The following KIAA0319L variants were observed in gnomAD, a reference collection of about 807,000 sequenced individuals.
KIAA0319L encodes the protein KIAA0319 like.
A neutral mutation model predicts 120.1 loss-of-function variants in KIAA0319L; 55 were observed. The observed-to-expected ratio is 0.46, with a 90% CI of 0.37 to 0.57. KIAA0319L has a LOEUF of 0.57. KIAA0319L is among the 20% of genes least tolerant of loss of function. The probability of loss-of-function intolerance (pLI) is 0.00; values close to 1 mark genes in which losing one functional copy is unlikely to be tolerated. For synonymous variants in KIAA0319L, 398 were observed against 471.9 expected (o/e 0.84, Z 2.03); for missense variants, 1,049 against 1,255.3 (o/e 0.84, Z 2.48).
chr1:35,449,523 T>C (rs1243498619), intron 15 of KIAA0319L, among the ~76,000 whole-genome samples: 2 of 152,218 alleles, frequency 1.3e-5, no homozygotes, highest in Non-Finnish European at 2.9e-5. Flanking sequence ...CCAAGCACTC[T>C]GAGCCCTCTC....
Position 35,435,055 on chromosome 1 carries a change from T to G in KIAA0319L, c.2989A>C (p.Ser997Arg). The G allele has an allele frequency of 1.2e-6, 2 of 1,614,090 alleles. No individual in the cohort carries two copies. Among genetic ancestry groups the G allele is most frequent in the Non-Finnish European group, 1.7e-6 (2 of 1,179,994 alleles). Residue 997 changes from serine (S) to arginine (R), a missense_variant, in exon 21 of 21, where the codon AGT becomes CGT. By Grantham distance (110) the Ser-to-Arg change is moderately radical (BLOSUM62 -1). Coordinates refer to ENST00000325722, the MANE Select transcript of KIAA0319L (RefSeq NM_024874.5). ...GACTCGGAGTGCATCAGGCTGCTACTTAGCAAAAGGCCTTTCTGTTTGATG... is the reference window on the plus strand; with the variant it reads ...GACTCGGAGTGCATCAGGCTGCTACGTAGCAAAAGGCCTTTCTGTTTGATG... Reference protein sequence around the residue: ...AGIKQKGLLLSSSLMHSESEL... With the variant: ...AGIKQKGLLLRSSLMHSESEL...
In KIAA0319L at chr1:35,455,577, T is replaced by A. The variant is rs1056289203; in HGVS notation, c.1656+436A>T. 3.7e-3 allele frequency among the ~76,000 whole-genome samples: 507 copies of A among 136,922 alleles called. 6 individuals carry two copies. The highest frequency in any genetic ancestry group is 0.016 in the East Asian group (75 of 4,788). 89.8% of individuals were successfully genotyped at this position (136,922 alleles called of 152,430 possible). ...TAATACTAAACATTTAAGATAATTT[T>A]TTTTTTTTTTTTTTTTTTTTTGAGA... is the stretch of plus-strand genomic sequence containing the variant. On this transcript the variant is annotated intron_variant, in intron 10 of 20. Transcript: ENST00000325722.
chr1:35,477,725 G>T (rs1402996245), intron 4 of KIAA0319L, among the ~76,000 whole-genome samples: 1 of 151,016 alleles, frequency 6.6e-6, no homozygotes, highest in East Asian at 1.9e-4. Context: ...AGTTAAAATG[G>T]TTTTTATACA....
intron 2 of KIAA0319L, among the ~76,000 whole-genome samples, chr1:35,507,467 T>A (rs951709331): frequency 3.3e-5 from 5 of 152,092 alleles, no homozygotes; most frequent in Non-Finnish European, 5.9e-5. Context: ...GGTGGAAGCA[T>A]ATGCAGGGAA....
intron 16 of KIAA0319L, among the ~76,000 whole-genome samples, chr1:35,447,703 C>T (rs921864368): frequency 6.6e-6 from 1 of 151,892 alleles, no homozygotes; most frequent in African/African-American, 2.4e-5. Flanking sequence ...TCCCAAATAG[C>T]TTGGACTACA....
chr1:35,536,197 CAAAG>C lies in KIAA0319L; in HGVS notation c.142+18149_142+18152del, dbSNP rs545307829. ...CTGAATAGGAAATATGAGAGATGTGCAAAGAAAGAAACTGAAGAAAAGCAGAGTG... is the reference window on the plus strand; with the variant it reads ...CTGAATAGGAAATATGAGAGATGTGCAAAGAAACTGAAGAAAAGCAGAGTG... On this transcript the variant is annotated intron_variant, in intron 2 of 20. Transcript: ENST00000325722. Among the ~76,000 whole-genome samples, 220 of 152,172 alleles carry C rather than the reference CAAAG, an allele frequency of 1.4e-3. 2 individuals carry two copies. The highest frequency in any genetic ancestry group is 2.5e-3 in the Non-Finnish European group (171 of 67,992).
intron 2 of KIAA0319L, 88 bp downstream of exon 2, chr1:35,554,262 C>T: frequency 1.0e-6 from 1 of 999,642 alleles, no homozygotes. Flanking sequence ...TTTTCTGCCT[C>T]CTAATAGTCC....
chr1:35,496,946 C>CAA lies in KIAA0319L; in HGVS notation c.666+9665_666+9666insTT, dbSNP rs1558484218. Among the ~76,000 whole-genome samples the CAA allele has an allele frequency of 2.8e-3, 178 of 64,266 alleles. 15 individuals are homozygous for CAA. The highest frequency in any genetic ancestry group is 0.019 in the African/African-American group (156 of 8,146). 42.2% of individuals were successfully genotyped at this position (64,266 alleles called of 152,430 possible). A position where few individuals can be genotyped will look rare whatever the true frequency, so the allele number is the denominator to read the frequency against. ...TGAGCAACAGAGTGAGATTGTGTCT[C>CAA]CAAAAAAAAAAAAAAAAAAAAAAAG... is the stretch of plus-strand genomic sequence containing the variant. On this transcript the variant is annotated intron_variant, in intron 3 of 20. Coordinates refer to ENST00000325722, the MANE Select transcript of KIAA0319L (RefSeq NM_024874.5).
intron 3 of KIAA0319L, among the ~76,000 whole-genome samples, chr1:35,490,939 C>T (rs1195112455): frequency 6.6e-6 from 1 of 152,206 alleles, no homozygotes; most frequent in Non-Finnish European, 1.5e-5. Context: ...GATTGTGCTG[C>T]TTCCCCTTTG....
Position 35,479,066 on chromosome 1 carries a change from C to T in KIAA0319L, c.813G>A (p.Glu271=). The change falls in exon 4 of 21, where the codon GAG becomes GAA. Residue 271 remains glutamate, a synonymous_variant. Transcript: ENST00000325722. The part of the protein sequence containing the change: ...TPSTQQVKSS[E]KTQIAVPQPV... ...GCTGGGGGACAGCAATCTGGGTTTT[C>T]TCAGAACTTTTTACTTGTTGAGTGC... 3 of 1,614,142 alleles carry T rather than the reference C, an allele frequency of 1.9e-6. No homozygotes were observed. Among genetic ancestry groups the T allele is most frequent in the Non-Finnish European group, 2.5e-6 (3 of 1,180,022 alleles).
chr1:35,545,241 T>C (rs1646939788), intron 2 of KIAA0319L, among the ~76,000 whole-genome samples: 1 of 152,126 alleles, frequency 6.6e-6, no homozygotes, highest in African/African-American at 2.4e-5. Context: ...AGGAGCATGC[T>C]GGAACTCTGG....
intron 3 of KIAA0319L, among the ~76,000 whole-genome samples, chr1:35,494,170 C>T (rs1192949743): frequency 5.9e-5 from 9 of 152,188 alleles, no homozygotes; most frequent in African/African-American, 1.4e-4. Flanking sequence ...ATATTACAGC[C>T]GGGCTCAATG....
At chr1:35,526,224 GCTGT>G (rs1646121514) in intron 2 of KIAA0319L, among the ~76,000 whole-genome samples, 2 of 149,918 alleles carry the variant, frequency 1.3e-5, no homozygotes, top group African/African-American at 4.9e-5. Flanking sequence ...CCAATACCAT[GCTGT>G]CTGTTGTTTT....
intron 2 of KIAA0319L, among the ~76,000 whole-genome samples, chr1:35,516,166 T>C (rs1002144531): frequency 2.0e-5 from 3 of 152,190 alleles, no homozygotes; most frequent in East Asian, 3.9e-4. Flanking sequence ...TTCCAAAAAA[T>C]TGAAGAGGAG....
At chr1:35,479,313 G>A in intron 3 of KIAA0319L, 101 bp from the exon 4 acceptor site, 1 of 933,010 alleles carries the variant, frequency 1.1e-6, no homozygotes, top group South Asian at 1.7e-5. Context: ...CTTGAAAAAT[G>A]CAAAAATATC....
At chr1:35,486,376 GAAAAAAA>G (rs899924972) in intron 3 of KIAA0319L, among the ~76,000 whole-genome samples, 179 of 52,154 alleles carry the variant, frequency 3.4e-3, no homozygotes, top group Admixed American at 4.6e-3. Context: ...CCTGTCTCAA[GAAAAAAA>G]AAAAAAAAAA....
chr1:35,495,781 T>G (rs1321804096), intron 3 of KIAA0319L, among the ~76,000 whole-genome samples: 1 of 143,510 alleles, frequency 7.0e-6, no homozygotes, highest in Non-Finnish European at 1.5e-5. Context: ...GCCTCCTGAA[T>G]AACTGAGACT....
chr1:35,447,577 T>C (rs142802027), intron 16 of KIAA0319L, among the ~76,000 whole-genome samples: 533 of 151,240 alleles, frequency 3.5e-3, no homozygotes, highest in Admixed American at 9.1e-3. Context: ...TTTTTTTCTT[T>C]TTTTTTTTTT....
At chr1:35,505,463 G>A (rs575146724) in intron 3 of KIAA0319L, among the ~76,000 whole-genome samples, 1 of 152,222 alleles carries the variant, frequency 6.6e-6, no homozygotes, top group Non-Finnish European at 1.5e-5. Context: ...ATCACTTCTT[G>A]TGTTCTTACT....
Sources: gnomAD v4.1 joint callset for allele counts (sites outside exome capture counted in the v4.1 genomes callset) on GRCh38, gnomAD v4.1.1 for gene constraint, MANE v1.5 for transcripts, NCBI Gene and HGNC (gene_info 2026-07-23, HGNC 2026-07-21) for gene names.